NFIB: variants seen among roughly 807,000 people sequenced by gnomAD.
The protein encoded by NFIB is nuclear factor I B.
NFIB carries 11 observed loss-of-function variants against 61.5 expected under a neutral mutation model. The observed-to-expected ratio is 0.18, with a 90% CI of 0.11 to 0.30. The LOEUF is 0.30. Among genes scored for constraint, NFIB ranks in the 10% least tolerant of loss-of-function variants. The probability of loss-of-function intolerance (pLI) is 1.00; values close to 1 mark genes in which losing one functional copy is unlikely to be tolerated. For missense variants in NFIB, 471 were observed against 608.9 expected (o/e 0.77, Z 2.38); for synonymous variants, 260 against 216.5 (o/e 1.20, Z -1.76).
At chr9:14,460,149 A>T in the NFIB span, among the ~76,000 whole-genome samples, 3 of 152,210 alleles carry the variant, frequency 2.0e-5, no homozygotes. Flanking sequence ...CTGGATTAAG[A>T]AAATGTGGCA....
chr9:14,336,356 A>C (rs762308316), intron 1 of NFIB, among the ~76,000 whole-genome samples: 1 of 152,238 alleles, frequency 6.6e-6, no homozygotes, highest in Non-Finnish European at 1.5e-5. Context: ...GTATTTAACC[A>C]AATTATCATC....
At chr9:14,311,504 G>A (rs1454793049) in intron 1 of NFIB, among the ~76,000 whole-genome samples, 1 of 151,950 alleles carries the variant, frequency 6.6e-6, no homozygotes. Context: ...CATAAGCCTA[G>A]ATTTATATTA....
At chr9:14,281,238 G>A (rs1270250680) in intron 2 of NFIB, among the ~76,000 whole-genome samples, 1 of 152,132 alleles carries the variant, frequency 6.6e-6, no homozygotes, top group Non-Finnish European at 1.5e-5. Flanking sequence ...AATAATAGAA[G>A]TCTTATGGGT....
intron 2 of NFIB, among the ~76,000 whole-genome samples, chr9:14,223,957 G>A (rs1378750914): frequency 1.2e-4 from 18 of 152,188 alleles, no homozygotes; most frequent in Admixed American, 1.2e-3. Context: ...GCTGTCCTGT[G>A]TATCTTCTCA....
At chr9:14,520,631 G>A in the NFIB span, among the ~76,000 whole-genome samples, 2 of 152,202 alleles carry the variant, frequency 1.3e-5, no homozygotes, top group Non-Finnish European at 2.9e-5. Flanking sequence ...AAGCACTTCT[G>A]TGCAGATATT....
intron 2 of NFIB, among the ~76,000 whole-genome samples, chr9:14,188,409 A>G (rs577997532): frequency 1.3e-5 from 2 of 152,338 alleles, no homozygotes; most frequent in East Asian, 3.9e-4. Flanking sequence ...AAGGGTGCTA[A>G]TGTAGAGGAG....
chr9:14,529,088 C>A, the NFIB span, among the ~76,000 whole-genome samples: 1 of 152,154 alleles, frequency 6.6e-6, no homozygotes, highest in Non-Finnish European at 1.5e-5. Context: ...ATTTAACACA[C>A]ACACAGGAGT....
intron 3 of NFIB, among the ~76,000 whole-genome samples, chr9:14,169,274 T>C (rs982593606): frequency 6.6e-6 from 1 of 152,272 alleles, no homozygotes; most frequent in East Asian, 1.9e-4. Context: ...TCCTGTCTTC[T>C]TCCTGCTGAA....
intron 2 of NFIB, among the ~76,000 whole-genome samples, chr9:14,253,745 A>T (rs2055911105): frequency 6.6e-6 from 1 of 152,194 alleles, no homozygotes; most frequent in African/African-American, 2.4e-5. Context: ...ACTACGTAAT[A>T]ACCTGGGTGC....
chr9:14,273,039 G>C (rs1382125176), intron 2 of NFIB, among the ~76,000 whole-genome samples: 1 of 152,136 alleles, frequency 6.6e-6, no homozygotes, highest in East Asian at 1.9e-4. Context: ...GAGAGTGTCA[G>C]TCCTAAGTCA....
At chr9:14,316,001 C>G (rs1384984134), upstream of NFIB, among the ~76,000 whole-genome samples, 1 of 152,040 alleles carries the variant, frequency 6.6e-6, no homozygotes, top group Non-Finnish European at 1.5e-5. Flanking sequence ...CTCTTTCCAC[C>G]GCTTCCCAGC....
At chr9:14,346,565 G>A (rs937914495) in intron 1 of NFIB, among the ~76,000 whole-genome samples, 3 of 152,118 alleles carry the variant, frequency 2.0e-5, no homozygotes, top group Non-Finnish European at 4.4e-5. Context: ...CCCCGCACGC[G>A]CCCCAGCAAC....
At chr9:14,367,617 T>G (rs1437889327) in intron 1 of NFIB, among the ~76,000 whole-genome samples, 2 of 152,106 alleles carry the variant, frequency 1.3e-5, no homozygotes, top group African/African-American at 4.8e-5. Context: ...GGGCAAAGAC[T>G]TGGAAGCAAC....
chr9:14,263,774 A>G (rs1043429923), intron 2 of NFIB, among the ~76,000 whole-genome samples: 9 of 152,246 alleles, frequency 5.9e-5, no homozygotes, highest in African/African-American at 2.2e-4. Flanking sequence ...GCAGACAAAT[A>G]AAGTGGCCCA....
intron 2 of NFIB, among the ~76,000 whole-genome samples, chr9:14,280,852 T>C (rs2058327771): frequency 6.6e-6 from 1 of 152,194 alleles, no homozygotes; most frequent in Admixed American, 6.5e-5. Flanking sequence ...ACTGGTTTCC[T>C]TGGAGGAAGA....
At chr9:14,127,103 G>C (rs2039756969) in intron 6 of NFIB, among the ~76,000 whole-genome samples, 2 of 152,142 alleles carry the variant, frequency 1.3e-5, no homozygotes, top group Non-Finnish European at 2.9e-5. Flanking sequence ...CTTGAAATAA[G>C]AATCATGATA....
chr9:14,219,543 C>A (rs1333318128), intron 2 of NFIB, among the ~76,000 whole-genome samples: 1 of 152,096 alleles, frequency 6.6e-6, no homozygotes, highest in African/African-American at 2.4e-5. Flanking sequence ...ACATTTGTTG[C>A]AAAAGAACAG....
At chr9:14,101,129 A>G (rs2035717980) in intron 10 of NFIB, among the ~76,000 whole-genome samples, 1 of 152,214 alleles carries the variant, frequency 6.6e-6, no homozygotes, top group African/African-American at 2.4e-5. Flanking sequence ...AATTAAGACT[A>G]TTAATCATTA....
chr9:14,523,862 T>C, the NFIB span, among the ~76,000 whole-genome samples: 2 of 152,190 alleles, frequency 1.3e-5, no homozygotes, highest in African/African-American at 4.8e-5. Flanking sequence ...ACTTATTGCT[T>C]TTGCTATGGG....
Sources: gnomAD v4.1 joint callset for allele counts (sites outside exome capture counted in the v4.1 genomes callset) on GRCh38, gnomAD v4.1.1 for gene constraint, MANE v1.5 for transcripts, NCBI Gene and HGNC (gene_info 2026-07-23, HGNC 2026-07-21) for gene names.